Variants in CACNA2D4 observed in about 807,000 individuals in gnomAD.
CACNA2D4 encodes the protein calcium voltage-gated channel auxiliary subunit alpha2delta 4.
In CACNA2D4, 157 loss-of-function variants were observed where a neutral mutation model predicts 163.8. The ratio of observed to expected loss-of-function variants is 0.96; its 90% confidence interval spans 0.84 to 1.09. The LOEUF is 1.09. Among genes scored for constraint, CACNA2D4 ranks in the 50% least tolerant of loss-of-function variants. The pLI is 0.00. For synonymous variants in CACNA2D4, 598 were observed against 586.9 expected (o/e 1.02, Z -0.27); for missense variants, 1,410 against 1,479.9 (o/e 0.95, Z 0.78).
At chr12:1,914,400 G>T (rs1592754485) in intron 2 of CACNA2D4, among the ~76,000 whole-genome samples, 4 of 152,256 alleles carry the variant, frequency 2.6e-5, no homozygotes, top group African/African-American at 9.6e-5. Flanking sequence ...CATGGCTCGG[G>T]GGCTGACAGC....
intron 31 of CACNA2D4, 76 bp from the exon 32 acceptor site, chr12:1,800,514 C>G: frequency 6.8e-7 from 1 of 1,461,318 alleles, no homozygotes; most frequent in Non-Finnish European, 9.6e-7. Context: ...ACCAGCACCA[C>G]CCTCAGAGAG....
At chr12:1,871,562 GGT>G (rs1025307095) in intron 18 of CACNA2D4, among the ~76,000 whole-genome samples, 4 of 150,172 alleles carry the variant, frequency 2.7e-5, no homozygotes, top group African/African-American at 7.4e-5. Context: ...CGTGTGTGCT[GGT>G]GTGTGTACGT....
chr12:1,876,293 C>T (rs1865878569), intron 16 of CACNA2D4, among the ~76,000 whole-genome samples: 1 of 152,194 alleles, frequency 6.6e-6, no homozygotes, highest in East Asian at 1.9e-4. Flanking sequence ...GAGACAAGGA[C>T]AGATCAGTGC....
At chr12:1,847,877 C>G (rs1430752074) in intron 23 of CACNA2D4, among the ~76,000 whole-genome samples, 1 of 140,822 alleles carries the variant, frequency 7.1e-6, no homozygotes, top group Non-Finnish European at 1.6e-5. Context: ...TTTAAAAAAA[C>G]TTCGATGCCA....
At position 1,874,691 on chromosome 12, in the gene CACNA2D4, C is replaced by T; in HGVS notation, c.1807-16G>A. 2 of 1,587,828 alleles carry T rather than the reference C, an allele frequency of 1.3e-6. No individual in the cohort carries two copies. Among genetic ancestry groups the T allele is most frequent in the Non-Finnish European group, 1.7e-6 (2 of 1,156,328 alleles). ...CTGTTCTCAGCTTCAGGAGGAAAGA[C>T]AATGGCATTAGTTCCTTGGCTCACA... On this transcript the variant is annotated splice_polypyrimidine_tract_variant and intron_variant, in intron 17 of 37. Transcript: ENST00000382722. The surrounding 1 kb of genome is among the most constrained non-coding windows in gnomAD (Gnocchi z 4.4).
chr12:1,796,694 C>T (rs1401448800), intron 35 of CACNA2D4, among the ~76,000 whole-genome samples: 1 of 152,356 alleles, frequency 6.6e-6, no homozygotes, highest in East Asian at 1.9e-4. Context: ...CCGCAGGTGC[C>T]GCACTGTTAA....
At position 1,797,551 on chromosome 12, in the gene CACNA2D4, G is replaced by C; in HGVS notation, c.2996-16C>G. 28 of 1,543,218 alleles carry C rather than the reference G, an allele frequency of 1.8e-5. No homozygotes were observed. The highest frequency in any genetic ancestry group is 2.5e-5 in the Non-Finnish European group (28 of 1,142,144). ...TGTTTGTGGGCTGCGGGCGGAGAAA[G>C]GACATCACGCCACCGAAGGGGCCTC... On this transcript the variant is annotated splice_polypyrimidine_tract_variant and intron_variant, in intron 34 of 37. Coordinates refer to ENST00000382722, the MANE Select transcript of CACNA2D4 (RefSeq NM_172364.5).
At chr12:1,809,512 A>C (rs981752534) in intron 29 of CACNA2D4, 16 of 702,598 alleles carry the variant, frequency 2.3e-5, no homozygotes, top group Admixed American at 4.0e-5. Flanking sequence ...CATCTGGTGA[A>C]TATATCTGGA....
intron 28 of CACNA2D4, 63 bp downstream of exon 28, chr12:1,810,480 C>T: frequency 6.5e-7 from 1 of 1,538,052 alleles, no homozygotes; most frequent in Non-Finnish European, 8.8e-7. Context: ...GCTGGCCTGC[C>T]AGGAGGACCG....
At chr12:1,857,671 C>T (rs559359469) in intron 20 of CACNA2D4, among the ~76,000 whole-genome samples, 24 of 152,214 alleles carry the variant, frequency 1.6e-4, no homozygotes, top group East Asian at 1.5e-3. Flanking sequence ...AGTAAGTCAC[C>T]GGCAGGAGGG....
At chr12:1,854,313 G>A (rs1420952134) in intron 22 of CACNA2D4, among the ~76,000 whole-genome samples, 1 of 152,084 alleles carries the variant, frequency 6.6e-6, no homozygotes, top group Non-Finnish European at 1.5e-5. Context: ...AGTGACCTCA[G>A]GTTGGATCTT....
rs866587548 is a variant in CACNA2D4 at position 1,828,697 on chromosome 12, G to A, written c.2551+12042C>T. Reference sequence around the variant, plus strand: ...TGTCTCTTATGCTCCTTATGCCTCCGCTTTCCCAACTCTCGGTAGAGGACC... The same window carrying A: ...TGTCTCTTATGCTCCTTATGCCTCCACTTTCCCAACTCTCGGTAGAGGACC... On this transcript the variant is annotated intron_variant, in intron 26 of 37. Transcript: ENST00000382722. This position sits in a 1 kb window ranked among gnomAD's most constrained non-coding sequence, Gnocchi z 4.2. Among the ~76,000 whole-genome samples, 32 of 152,268 alleles carry A rather than the reference G, an allele frequency of 2.1e-4. 1 individual carries two copies. The highest frequency in any genetic ancestry group is 1.1e-3 in the Admixed American group (17 of 15,302).
intron 6 of CACNA2D4, among the ~76,000 whole-genome samples, chr12:1,897,750 A>G (rs142994900): frequency 0.013 from 2,013 of 152,318 alleles, 45 homozygotes; most frequent in African/African-American, 0.045. Context: ...TCACTCTATG[A>G]CTATCAGACA....
intron 6 of CACNA2D4, 109 bp downstream of exon 6, chr12:1,907,331 A>G: frequency 2.0e-6 from 2 of 1,023,376 alleles, no homozygotes; most frequent in Non-Finnish European, 2.9e-6. Context: ...GGATAGGAGG[A>G]CCAGCCCCAT....
At chr12:1,915,670 C>T (rs1203143273) in intron 1 of CACNA2D4, among the ~76,000 whole-genome samples, 1 of 152,232 alleles carries the variant, frequency 6.6e-6, no homozygotes, top group Non-Finnish European at 1.5e-5. Flanking sequence ...CACACCTCAC[C>T]CTCTGTGTAG....
At chr12:1,812,842 C>T (rs948972630) in intron 26 of CACNA2D4, among the ~76,000 whole-genome samples, 2 of 152,186 alleles carry the variant, frequency 1.3e-5, no homozygotes, top group African/African-American at 2.4e-5. Flanking sequence ...TGCTCAGGCT[C>T]GGGTTTCCTC....
chr12:1,906,933 T>G (rs902668735), intron 6 of CACNA2D4, among the ~76,000 whole-genome samples: 1 of 152,256 alleles, frequency 6.6e-6, no homozygotes, highest in Non-Finnish European at 1.5e-5. Flanking sequence ...GAGAGCTGAC[T>G]TATTTTAAAT....
In CACNA2D4 at chr12:1,883,099, G is replaced by A. The variant is rs79864920; in HGVS notation, c.1352-99C>T. 11 of 1,320,408 alleles carry A rather than the reference G, an allele frequency of 8.3e-6. No homozygotes were observed. Among genetic ancestry groups the A allele is most frequent in the African/African-American group, 2.9e-5 (2 of 68,220 alleles). The allele number at this position is 1,320,408 out of a possible 1,614,324, so 81.8% of individuals were successfully genotyped here. On this transcript the variant is annotated intron_variant, in intron 12 of 37. Transcript: ENST00000382722. The surrounding 1 kb of genome is among the most constrained non-coding windows in gnomAD (Gnocchi z 4.5). ...CCCCAGCTGCAGATGGCTCATAGCC[G>A]AATACTCTCTGGAAACTGGACCGGG...
At chr12:1,848,781 A>ATTATTATTATTT (rs1006817254) in intron 23 of CACNA2D4, among the ~76,000 whole-genome samples, 4 of 150,606 alleles carry the variant, frequency 2.7e-5, no homozygotes, top group African/African-American at 9.7e-5. Context: ...TATTATTATT[A>ATTATTATTATTT]TTTTTATTTA....
Sources: gnomAD v4.1 joint callset for allele counts (sites outside exome capture counted in the v4.1 genomes callset) on GRCh38, gnomAD v4.1.1 for gene constraint, Gnocchi (gnomAD v3.1) non-coding constraint, MANE v1.5 for transcripts, NCBI Gene and HGNC (gene_info 2026-07-23, HGNC 2026-07-21) for gene names.